The following TRIM24 variants were observed in gnomAD, a reference collection of about 807,000 sequenced individuals.
TRIM24 encodes tripartite motif containing 24, also known as transcription intermediary factor 1-alpha.
TRIM24 carries 29 observed loss-of-function variants against 123.9 expected under a neutral mutation model. The ratio of observed to expected loss-of-function variants is 0.23; its 90% CI spans 0.17 to 0.32. TRIM24 has a LOEUF of 0.32. Ranked by LOEUF, TRIM24 falls within the 10% of genes least tolerant of loss-of-function variation. The pLI is 1.00. For synonymous variants in TRIM24, 456 were observed against 461.1 expected, an observed-to-expected ratio of 0.99 and a Z score of 0.14; for missense variants, 932 against 1,295.3, an observed-to-expected ratio of 0.72 and a Z score of 4.31.
intron 14 of TRIM24, among the ~76,000 whole-genome samples, chr7:138,577,970 C>G (rs955258680): frequency 6.6e-6 from 1 of 151,922 alleles, no homozygotes; most frequent in East Asian, 1.9e-4. Context: ...TATAGTAAAA[C>G]AAGAAAGAAG....
intron 1 of TRIM24, among the ~76,000 whole-genome samples, chr7:138,503,678 A>T (rs1463450009): frequency 1.3e-5 from 2 of 151,424 alleles, no homozygotes; most frequent in Non-Finnish European, 2.9e-5. Context: ...CACAACGTGC[A>T]GGTTTGTTAC....
At position 138,554,752 on chromosome 7, in the gene TRIM24, C is replaced by T. The variant is rs1797281065; in HGVS notation, c.1316C>T (p.Pro439Leu). 1.2e-6 allele frequency: 2 copies of T among 1,614,066 alleles called. No homozygotes were observed. Residue 439 changes from proline (P) to leucine (L), a missense_variant, in exon 9 of 19, where the codon CCT becomes CTT. By Grantham distance (98) the Pro-to-Leu change is moderately conservative. Around this residue, in one of 7 missense-constraint regions of TRIM24, gnomAD observed 527 missense variants for 691.3 expected, o/e 0.76. Coordinates refer to ENST00000343526, the MANE Select transcript of TRIM24 (RefSeq NM_015905.3). The surrounding 1 kb of genome is among the most constrained non-coding windows in gnomAD (Gnocchi z 4.5). ...ESQPQMPKQN[P>L]VVEQNSQPPS... ...CAGCCACAAATGCCTAAGCAGAATC[C>T]TGTCGTGGAACAGAATTCACAGCCA...
At chr7:138,520,294 G>C (rs1272107809) in intron 4 of TRIM24, among the ~76,000 whole-genome samples, 1 of 152,206 alleles carries the variant, frequency 6.6e-6, no homozygotes, top group Non-Finnish European at 1.5e-5. Flanking sequence ...TAGCTAGTAA[G>C]TTGTTCCTCA....
intron 15 of TRIM24, 106 bp from the exon 16 acceptor site, chr7:138,580,456 A>T (rs1797869125): frequency 1.4e-6 from 2 of 1,399,762 alleles, no homozygotes; most frequent in Non-Finnish European, 1.9e-6. Flanking sequence ...ATTCATGCCA[A>T]ATGAACAATT....
chr7:138,545,527 G>T (rs935551981), intron 7 of TRIM24: 2 of 456,716 alleles, frequency 4.4e-6, no homozygotes, highest in African/African-American at 4.0e-5. Flanking sequence ...TGTTGGATTG[G>T]AATTAAGAGT....
chr7:138,535,448 C>G (rs1307599486), intron 6 of TRIM24, among the ~76,000 whole-genome samples: 1 of 152,002 alleles, frequency 6.6e-6, no homozygotes, highest in South Asian at 2.1e-4. Flanking sequence ...TTGTCTATAA[C>G]GGATTTTATT....
At chr7:138,488,000 A>T (rs1795686812) in intron 1 of TRIM24, among the ~76,000 whole-genome samples, 1 of 151,922 alleles carries the variant, frequency 6.6e-6, no homozygotes, top group Non-Finnish European at 1.5e-5. Context: ...GTAGGCTCTT[A>T]ATTATTGCCT....
intron 1 of TRIM24, among the ~76,000 whole-genome samples, chr7:138,471,125 C>T (rs1004575959): frequency 6.6e-6 from 1 of 152,158 alleles, no homozygotes; most frequent in Non-Finnish European, 1.5e-5. Context: ...CTGACATCCT[C>T]CATTACAAAT....
At chr7:138,481,464 T>A (rs906885020) in intron 1 of TRIM24, among the ~76,000 whole-genome samples, 14 of 152,130 alleles carry the variant, frequency 9.2e-5, no homozygotes, top group Middle Eastern at 3.2e-3. Flanking sequence ...GGGTCTTTTA[T>A]TTTTTGAATT....
At chr7:138,474,132 T>TC (rs1795345589) in intron 1 of TRIM24, among the ~76,000 whole-genome samples, 1 of 150,352 alleles carries the variant, frequency 6.7e-6, no homozygotes, top group Non-Finnish European at 1.5e-5. Flanking sequence ...CTTTTTCTTT[T>TC]TTTTTTTTTT....
intron 9 of TRIM24, among the ~76,000 whole-genome samples, chr7:138,566,472 G>T (rs1797538420): frequency 6.6e-6 from 1 of 151,908 alleles, no homozygotes; most frequent in African/African-American, 2.4e-5. Context: ...GCCAAGATCG[G>T]AACAAGACTC....
At chr7:138,550,653 A>G (rs1420916392) in intron 7 of TRIM24, among the ~76,000 whole-genome samples, 1 of 152,192 alleles carries the variant, frequency 6.6e-6, no homozygotes, top group Non-Finnish European at 1.5e-5. Flanking sequence ...CCTCACTCAC[A>G]GGCCCAGTTC....
Position 138,554,952 on chromosome 7 carries a change from T to G in TRIM24, c.1516T>G (p.Ser506Ala). 6.2e-7 allele frequency: 1 copy of G among 1,613,922 alleles called. No individual in the cohort carries two copies. Among genetic ancestry groups the G allele is most frequent in the Non-Finnish European group, 8.5e-7 (1 of 1,179,846 alleles). Residue 506 changes from serine to alanine, a missense_variant, in exon 9 of 19, where the codon TCC (serine) becomes GCC (alanine). Physicochemically the swap from Ser to Ala is moderately conservative, Grantham distance 99. Coordinates refer to ENST00000343526, the MANE Select transcript of TRIM24 (RefSeq NM_015905.3). The surrounding 1 kb of genome is among the most constrained non-coding windows in gnomAD (Gnocchi z 4.5). ...PRMQGPIQQP[S>A]ISHQQPPPRL... ...AATGCAGGGGCCCATCCAGCAACCT[T>G]CCATCTCTCATCAGGTAAATTTGGA...
At position 138,588,879 on chromosome 7, in the gene TRIM24, T is replaced by G. The variant is rs1463772844; in HGVS notation, c.*3928T>G. On this transcript the variant is annotated 3_prime_UTR_variant, in exon 19 of 19. Coordinates refer to ENST00000343526, the MANE Select transcript of TRIM24 (RefSeq NM_015905.3). ...AAAATTAGCTGGGTGTGGTGGCGGGTGCCTGTAATCTCAGCTACTTTGGGA... is the reference window on the plus strand; with the variant it reads ...AAAATTAGCTGGGTGTGGTGGCGGGGGCCTGTAATCTCAGCTACTTTGGGA... 1 of 151,738 alleles carries G rather than the reference T, an allele frequency of 6.6e-6. No individual in the cohort carries two copies. The highest frequency in any genetic ancestry group is 6.6e-5 in the Admixed American group (1 of 15,196). 9.4% of individuals were successfully genotyped at this position (151,738 alleles called of 1,614,324 possible).
chr7:138,515,877 T>C (rs1304475152), intron 3 of TRIM24, among the ~76,000 whole-genome samples: 3 of 152,226 alleles, frequency 2.0e-5, no homozygotes, highest in African/African-American at 7.2e-5. Flanking sequence ...AACATAAAAT[T>C]TGTCATTTTA....
Position 138,551,049 on chromosome 7 carries a change from C to A in TRIM24, c.1144-14C>A. ...ATTTGCCTAATATTTAGTTATCTCT[C>A]CTTTTTCTTCTAGATTACATACCGG... is the stretch of plus-strand genomic sequence containing the variant. On this transcript the variant is annotated splice_polypyrimidine_tract_variant and intron_variant, in intron 7 of 18. Transcript: ENST00000343526. 2 of 1,606,554 alleles carry A rather than the reference C, an allele frequency of 1.2e-6. No homozygotes were observed. Among genetic ancestry groups the A allele is most frequent in the Non-Finnish European group, 8.5e-7 (1 of 1,173,984 alleles).
chr7:138,513,623 T>C (rs1563041113), intron 2 of TRIM24, among the ~76,000 whole-genome samples: 1 of 151,974 alleles, frequency 6.6e-6, no homozygotes, highest in Non-Finnish European at 1.5e-5. Context: ...GTCACTATCA[T>C]GAGAACAGCA....
intron 6 of TRIM24, among the ~76,000 whole-genome samples, chr7:138,531,195 ATGTATACATGTATACG>A (rs927438945): frequency 1.6e-4 from 7 of 42,522 alleles, no homozygotes; most frequent in African/African-American, 8.0e-4. Context: ...ATATGTATAC[ATGTATACATGTATACG>A]TGTATGTTAC....
At position 138,460,587 on chromosome 7, in the gene TRIM24, A is replaced by AGCGGCCTCGGCT. The variant is rs1794936598; in HGVS notation, c.48_59dup (p.Ala17_Ser20dup). 1 of 1,316,982 alleles carries AGCGGCCTCGGCT rather than the reference A, an allele frequency of 7.6e-7. No individual in the cohort carries two copies. The allele number at this position is 1,316,982 out of a possible 1,614,324, so 81.6% of individuals were successfully genotyped here. ...TGGAGAAGGCGGTGGCGGCGGCGGC[A>AGCGGCCTCGGCT]GCGGCCTCGGCTGCGGCCTCCGGGG... On this transcript the variant is annotated inframe_insertion, in exon 1 of 19. Coordinates refer to ENST00000343526, the MANE Select transcript of TRIM24 (RefSeq NM_015905.3).
Sources: gnomAD v4.1 joint callset for allele counts (sites outside exome capture counted in the v4.1 genomes callset) on GRCh38, gnomAD v4.1.1 for gene constraint, gnomAD v4.1.1 regional missense constraint, Gnocchi (gnomAD v3.1) non-coding constraint, MANE v1.5 for transcripts, NCBI Gene and HGNC (gene_info 2026-07-23, HGNC 2026-07-21) for gene names.